Variants in DGKB observed in about 807,000 individuals in gnomAD.
The protein encoded by DGKB is diacylglycerol kinase beta.
DGKB carries 67 observed loss-of-function variants against 114.3 expected under a neutral mutation model. The ratio of observed to expected loss-of-function variants is 0.59; its 90% CI spans 0.48 to 0.72. The LOEUF is 0.72. DGKB is among the 30% of genes least tolerant of loss of function. DGKB has a pLI of 0.00. For missense variants in DGKB, 907 were observed against 975.2 expected (o/e 0.93, Z 0.93); for synonymous variants, 398 against 323.1 (o/e 1.23, Z -2.49).
chr7:14,434,846 C>T (rs191589810), intron 21 of DGKB, among the ~76,000 whole-genome samples: 23 of 152,110 alleles, frequency 1.5e-4, no homozygotes, highest in East Asian at 3.9e-4. Context: ...AAGAGTATGA[C>T]GTTAATCATT....
intron 23 of DGKB, among the ~76,000 whole-genome samples, chr7:14,194,227 C>T (rs1377088256): frequency 6.6e-6 from 1 of 152,056 alleles, no homozygotes; most frequent in Admixed American, 6.6e-5. Flanking sequence ...GGAATCAGCA[C>T]GTCAAAAGAG....
chr7:14,400,240 A>T (rs1000198851), intron 21 of DGKB, among the ~76,000 whole-genome samples: 16 of 151,874 alleles, frequency 1.1e-4, no homozygotes, highest in Non-Finnish European at 1.5e-5. Context: ...AATAGTCAGA[A>T]TAACCCACAG....
chr7:14,192,309 A>C (rs376099440), intron 23 of DGKB, among the ~76,000 whole-genome samples: 1 of 152,200 alleles, frequency 6.6e-6, no homozygotes. Flanking sequence ...TAGCATGTCC[A>C]TAGGATAATA....
intron 8 of DGKB, among the ~76,000 whole-genome samples, chr7:14,694,645 C>G (rs1165986872): frequency 6.6e-6 from 1 of 152,016 alleles, no homozygotes; most frequent in African/African-American, 2.4e-5. Context: ...TTAATAGAGT[C>G]GAGAAGTTAA....
intron 17 of DGKB, among the ~76,000 whole-genome samples, chr7:14,598,109 T>C (rs1802907940): frequency 1.3e-5 from 2 of 152,202 alleles, no homozygotes; most frequent in African/African-American, 4.8e-5. Context: ...TTATCACTAA[T>C]ATCTAATGTC....
intron 14 of DGKB, 63 bp downstream of exon 14, chr7:14,630,173 A>G: frequency 9.2e-7 from 1 of 1,089,154 alleles, no homozygotes; most frequent in Non-Finnish European, 1.3e-6. Context: ...TGTTCTTTAC[A>G]GCAATACAAG....
intron 5 of DGKB, among the ~76,000 whole-genome samples, chr7:14,734,508 A>C (rs1157928154): frequency 6.6e-6 from 1 of 152,124 alleles, no homozygotes; most frequent in Non-Finnish European, 1.5e-5. Flanking sequence ...TCTCTTTTGA[A>C]TGTACAGTGA....
Position 14,149,054 on chromosome 7 carries a change from G to T in DGKB, c.*77C>A, listed in dbSNP as rs1428841993. 8.6e-6 allele frequency: 11 copies of T among 1,272,772 alleles called. No homozygotes were observed. The highest frequency in any genetic ancestry group is 2.3e-5 in the East Asian group (1 of 43,110). 78.8% of individuals were successfully genotyped at this position (1,272,772 alleles called of 1,614,324 possible). A position where few individuals can be genotyped will look rare whatever the true frequency, so the allele number is the denominator to read the frequency against. On this transcript the variant is annotated 3_prime_UTR_variant, in exon 26 of 26. Coordinates refer to ENST00000402815, the MANE Select transcript of DGKB (RefSeq NM_001350709.2). ...TTTGCATGAGCAGGAGACTTGAAATGGTTCAAAGATTTCCAGCATATGTGT... is the reference window on the plus strand; with the variant it reads ...TTTGCATGAGCAGGAGACTTGAAATTGTTCAAAGATTTCCAGCATATGTGT...
chr7:14,757,354 C>A (rs996835943), intron 3 of DGKB, among the ~76,000 whole-genome samples: 1 of 151,924 alleles, frequency 6.6e-6, no homozygotes, highest in Admixed American at 6.6e-5. Flanking sequence ...TTCAAGCATA[C>A]AATATAGAAG....
intron 2 of DGKB, among the ~76,000 whole-genome samples, chr7:14,810,771 G>A (rs1413302855): frequency 1.3e-5 from 2 of 152,042 alleles, no homozygotes; most frequent in Non-Finnish European, 2.9e-5. Flanking sequence ...ACCATGCCAG[G>A]CTACCATTTG....
At chr7:14,551,144 T>G (rs1795044990) in intron 20 of DGKB, among the ~76,000 whole-genome samples, 1 of 152,188 alleles carries the variant, frequency 6.6e-6, no homozygotes, top group Non-Finnish European at 1.5e-5. Context: ...TAAGAGGCTC[T>G]TAGTGACTGA....
intron 20 of DGKB, among the ~76,000 whole-genome samples, chr7:14,533,426 A>G (rs1791917296): frequency 6.6e-6 from 1 of 151,858 alleles, no homozygotes. Context: ...GAAACAATAT[A>G]TGCATTATAT....
chr7:14,674,329 T>C (rs568240104), intron 12 of DGKB, among the ~76,000 whole-genome samples: 218 of 152,246 alleles, frequency 1.4e-3, no homozygotes, highest in Non-Finnish European at 2.5e-3. Flanking sequence ...GTGTTGAAGA[T>C]AGAGAAGCAG....
At chr7:14,839,024 C>T (rs1489576262) in intron 2 of DGKB, among the ~76,000 whole-genome samples, 4 of 152,096 alleles carry the variant, frequency 2.6e-5, no homozygotes, top group South Asian at 2.1e-4. Context: ...CTTCCCTTTC[C>T]GTTCCTATCT....
chr7:14,436,660 T>C (rs1829317715), intron 21 of DGKB, among the ~76,000 whole-genome samples: 1 of 152,130 alleles, frequency 6.6e-6, no homozygotes, highest in Non-Finnish European at 1.5e-5. Context: ...TGCTATTAGA[T>C]GTAAGTAAAT....
At chr7:14,498,558 C>T (rs1000475281) in intron 20 of DGKB, among the ~76,000 whole-genome samples, 5 of 151,560 alleles carry the variant, frequency 3.3e-5, no homozygotes, top group South Asian at 2.1e-4. Flanking sequence ...GCATCCTTTT[C>T]GATTTTATGA....
At chr7:14,756,429 T>C (rs1323152314) in intron 3 of DGKB, among the ~76,000 whole-genome samples, 1 of 151,930 alleles carries the variant, frequency 6.6e-6, no homozygotes, top group Non-Finnish European at 1.5e-5. Context: ...CTATTTTTTT[T>C]CTAATACAGA....
intron 2 of DGKB, among the ~76,000 whole-genome samples, chr7:14,824,251 G>T (rs1335384857): frequency 6.6e-6 from 1 of 152,160 alleles, no homozygotes; most frequent in African/African-American, 2.4e-5. Context: ...CCATATCGCT[G>T]CATAACCTTG....
intron 1 of DGKB, among the ~76,000 whole-genome samples, chr7:14,866,083 C>T (rs1022579256): frequency 6.6e-6 from 1 of 152,134 alleles, no homozygotes; most frequent in African/African-American, 2.4e-5. Flanking sequence ...GGAGCATAGA[C>T]TTGTTTTTTA....
Sources: gnomAD v4.1 joint callset for allele counts (sites outside exome capture counted in the v4.1 genomes callset) on GRCh38, gnomAD v4.1.1 for gene constraint, MANE v1.5 for transcripts, NCBI Gene and HGNC (gene_info 2026-07-23, HGNC 2026-07-21) for gene names.